The following LHB variants were observed in gnomAD, a reference collection of about 807,000 sequenced individuals.
LHB encodes luteinizing hormone subunit beta, also known as lutropin subunit beta.
LHB carries 11 observed loss-of-function variants against 10.6 expected under a neutral mutation model. The observed-to-expected ratio is 1.04, with a 90% CI of 0.66 to 1.72. The LOEUF (loss-of-function observed/expected upper bound fraction) is 1.72, where lower values mean the gene tolerates loss of function less well. Among genes scored for constraint, LHB ranks in the 40% most tolerant of loss-of-function variants. LHB has a pLI of 0.00. For missense variants in LHB, 184 were observed against 197.3 expected, an observed-to-expected ratio of 0.93 and a Z score of 0.41; for synonymous variants, 86 against 83.1, an observed-to-expected ratio of 1.03 and a Z score of -0.19.
intron 1 of LHB, 41 bp downstream of exon 1, chr19:49,017,026 T>C: frequency 6.2e-7 from 1 of 1,613,280 alleles, no homozygotes; most frequent in South Asian, 1.1e-5. Context: ...AGTGATGGCC[T>C]GGAAGGAGGT....
chr19:49,016,713 C>T lies in LHB; in HGVS notation c.17G>A (p.Gly6Glu). The change falls in exon 2 of 3, where the codon GGG (glycine) becomes GAG (glutamate). Residue 6 changes from glycine to glutamate, a missense_variant and splice_region_variant. Transcript: ENST00000649238. ...GCTCAGCAGCAGCAACAGCAGCAGCCCCTGGGACAAGGACACTGCTTCACC... is the reference window on the plus strand; with the variant it reads ...GCTCAGCAGCAGCAACAGCAGCAGCTCCTGGGACAAGGACACTGCTTCACC... MEMLQ[G>E]LLLLLLLSMG... 1 of 1,610,914 alleles carries T rather than the reference C, an allele frequency of 6.2e-7. No individual in the cohort carries two copies.
chr19:49,019,495 G>T, upstream of LHB: 2 of 1,164,572 alleles, frequency 1.7e-6, no homozygotes. Flanking sequence ...TTCTGGCCTG[G>T]CCTAATGCCC....
rs1173797779 is a variant in LHB, at chr19:49,016,613, C to T, written c.117G>A (p.Glu39=). The T allele has an allele frequency of 4.3e-6, 7 of 1,611,760 alleles. No individual in the cohort carries two copies. In the African/African-American group the frequency reaches 9.4e-5, roughly 22 times the overall value. ...CHPINAILAV[E]KEGCPVCITV... is the part of the protein sequence containing the mutation. Reference sequence around the variant, plus strand: ...TGATGCACACTGGGCAGCCCTCCTTCTCGACAGCCAGGATGGCATTGATGG... The same window carrying T: ...TGATGCACACTGGGCAGCCCTCCTTTTCGACAGCCAGGATGGCATTGATGG... Residue 39 remains glutamate, a synonymous_variant, in exon 2 of 3, where the codon GAG becomes GAA. Transcript: ENST00000649238.
chr19:49,018,259 G>T, upstream of LHB: 1 of 974,732 alleles, frequency 1.0e-6, no homozygotes, highest in Non-Finnish European at 1.3e-6. Context: ...GCCGCTGCGG[G>T]CCGTGGCTCC....
upstream of LHB, chr19:49,017,885 C>G: frequency 2.5e-6 from 1 of 398,096 alleles, no homozygotes; most frequent in Non-Finnish European, 4.4e-6. Context: ...GGTCCGGAAC[C>G]CTTCCTAGTG....
rs765387170 is a variant in LHB at position 49,016,150 on chromosome 19, C to T, written c.344G>A (p.Arg115His). Residue 115 changes from arginine to histidine, a missense_variant, in exon 3 of 3, where the codon CGC becomes CAC. By Grantham distance (29) the Arg-to-His change is conservative. Transcript: ENST00000649238. ...GGGACCCCCACAGTCAGAGGTGCTG[C>T]GGCGGCAGGGTCCACAGCGACAGCT... ...ALSCRCGPCR[R>H]STSDCGGPKD... 2.1e-5 allele frequency: 34 copies of T among 1,612,638 alleles called. No homozygotes were observed. Among genetic ancestry groups the T allele is most frequent in the Non-Finnish European group, 2.9e-5 (34 of 1,180,028 alleles).
At chr19:49,019,384 AC>A, upstream of LHB, 1 of 1,243,074 alleles carries the variant, frequency 8.0e-7, no homozygotes, top group East Asian at 3.2e-5. Context: ...CTCCCACCTG[AC>A]CCCGTCTCAG....
At chr19:49,017,590 C>A, upstream of LHB, 1 of 1,092,642 alleles carries the variant, frequency 9.2e-7, no homozygotes, top group South Asian at 3.6e-5. Flanking sequence ...GACCCAGATG[C>A]CCCCAAGGAG....
upstream of LHB, chr19:49,019,299 T>TCG (rs33917896): frequency 0.6 from 741,984 of 1,226,896 alleles, 227,671 homozygotes; most frequent in African/African-American, 0.73. Context: ...GGTTCCGCTC[T>TCG]GTCTTAAACC....
At chr19:49,016,407 C>A in intron 2 of LHB, 97 bp from the exon 3 acceptor site, 3 of 1,599,210 alleles carry the variant, frequency 1.9e-6, no homozygotes, top group Non-Finnish European at 2.5e-6. Flanking sequence ...CTCAGGAGCC[C>A]AGGAAGCCCT....
upstream of LHB, chr19:49,018,203 C>T: frequency 4.0e-6 from 2 of 496,184 alleles, no homozygotes; most frequent in East Asian, 3.5e-5. Context: ...GCGCGGCACG[C>T]GGACCCGCGG....
intron 2 of LHB, 53 bp from the exon 3 acceptor site, chr19:49,016,363 GC>G: frequency 6.2e-7 from 1 of 1,604,902 alleles, no homozygotes; most frequent in African/African-American, 1.3e-5. Flanking sequence ...CAGCGCCTCA[GC>G]TGAGCTCCCA....
At chr19:49,018,826 C>T (rs559172219), upstream of LHB, 3,365 of 1,471,968 alleles carry the variant, frequency 2.3e-3, 75 homozygotes, top group African/African-American at 0.042. Context: ...GCACCGGCCA[C>T]GGCGGGGGCT....
upstream of LHB, chr19:49,019,355 T>C: frequency 1.6e-6 from 2 of 1,213,774 alleles, no homozygotes; most frequent in South Asian, 7.2e-5. Flanking sequence ...GGGCAGCAAC[T>C]CCAAGTTACC....
rs1270891524 is a variant in LHB, at chr19:49,016,185, A to G, written c.309T>C (p.Pro103=). ...GTCCACAGCGACAGCTGAGAGCCAC[A>G]GGGAAGGAGACCACGGGGTCCACAC... ...PRGVDPVVSF[P]VALSCRCGPC... Residue 103 remains proline (P), a synonymous_variant, in exon 3 of 3, where the codon CCT becomes CCC. Transcript: ENST00000649238. 1.2e-6 allele frequency: 2 copies of G among 1,612,664 alleles called. No individual in the cohort carries two copies. The highest frequency in any genetic ancestry group is 2.2e-5 in the East Asian group (1 of 44,886).
chr19:49,018,551 T>G (rs1039062104), upstream of LHB, among the ~76,000 whole-genome samples: 5 of 151,898 alleles, frequency 3.3e-5, no homozygotes, highest in South Asian at 2.1e-4. Context: ...CCTAGGGAAG[T>G]AAAAGGGGAC....
chr19:49,019,348 C>T, upstream of LHB: 1 of 1,194,700 alleles, frequency 8.4e-7, no homozygotes, highest in Non-Finnish European at 1.1e-6. Flanking sequence ...GCATCTTGGG[C>T]AGCAACTCCA....
At position 49,016,131 on chromosome 19, in the gene LHB, C is replaced by T; in HGVS notation, c.363G>A (p.Gly121=). The T allele has an allele frequency of 1.9e-6, 3 of 1,612,880 alleles. No individual in the cohort carries two copies. The South Asian group carries it at 3.3e-5, about 18-fold the overall frequency. ...GPCRRSTSDC[G]GPKDHPLTCD... ...AGGTCAAGGGGTGGTCTTTGGGACC[C>T]CCACAGTCAGAGGTGCTGCGGCGGC... is the stretch of plus-strand genomic sequence containing the variant. Residue 121 remains glycine (G), a synonymous_variant, in exon 3 of 3, where the codon GGG becomes GGA. Coordinates refer to ENST00000649238, the MANE Select transcript of LHB (RefSeq NM_000894.3).
upstream of LHB, chr19:49,017,135 G>C (rs1295763783): frequency 6.2e-7 from 1 of 1,613,112 alleles, no homozygotes; most frequent in Non-Finnish European, 8.5e-7. Flanking sequence ...GGGTTGTGGG[G>C]GCGGCAAGGC....
Sources: gnomAD v4.1 joint callset for allele counts (sites outside exome capture counted in the v4.1 genomes callset) on GRCh38, gnomAD v4.1.1 for gene constraint, MANE v1.5 for transcripts, NCBI Gene and HGNC (gene_info 2026-07-23, HGNC 2026-07-21) for gene names.